The following NCS1 variants were observed in gnomAD, a reference collection of about 807,000 sequenced individuals.
The protein encoded by NCS1 is neuronal calcium sensor 1.
A neutral mutation model predicts 28.4 loss-of-function variants in NCS1; 6 were observed. That is an observed-to-expected ratio of 0.21 (90% confidence interval 0.12 to 0.42). The LOEUF is 0.42. Among genes scored for constraint, NCS1 ranks in the 10% least tolerant of loss-of-function variants. The pLI, the probability that NCS1 is intolerant of heterozygous loss-of-function variation, is 1.00. For missense variants in NCS1, 131 were observed against 241.4 expected (o/e 0.54, Z 3.03); for synonymous variants, 86 against 99.3 (o/e 0.87, Z 0.79).
chr9:130,182,469 T>G (rs1206987776), intron 1 of NCS1, among the ~76,000 whole-genome samples: 2 of 152,182 alleles, frequency 1.3e-5, no homozygotes, highest in African/African-American at 4.8e-5. Context: ...ATAGGATCCT[T>G]CCCGCTGGTT....
intron 1 of NCS1, among the ~76,000 whole-genome samples, chr9:130,190,297 C>G (rs1938834468): frequency 6.6e-6 from 1 of 152,088 alleles, no homozygotes; most frequent in Non-Finnish European, 1.5e-5. Context: ...GGGGAAGGTC[C>G]AAATCGGACA....
At chr9:130,187,977 G>T (rs1832762337) in intron 1 of NCS1, among the ~76,000 whole-genome samples, 1 of 152,170 alleles carries the variant, frequency 6.6e-6, no homozygotes, top group South Asian at 2.1e-4. Context: ...TGGGGACTAG[G>T]GTGGGGGAGG....
chr9:130,221,045 A>G (rs782480831), intron 4 of NCS1, among the ~76,000 whole-genome samples: 1 of 151,750 alleles, frequency 6.6e-6, no homozygotes, highest in Non-Finnish European at 1.5e-5. Context: ...TTATTTATAG[A>G]CAGAGTCTCG....
At chr9:130,227,433 G>A (rs1833431319) in intron 7 of NCS1, among the ~76,000 whole-genome samples, 1 of 152,300 alleles carries the variant, frequency 6.6e-6, no homozygotes, top group Non-Finnish European at 1.5e-5. Context: ...AGAATTGCTG[G>A]GACATAGGAT....
chr9:130,219,339 G>A lies in NCS1; in HGVS notation c.229-386G>A, dbSNP rs77229630. On this transcript the variant is annotated intron_variant, in intron 3 of 7. Transcript: ENST00000372398. The surrounding 1 kb of genome is among the most constrained non-coding windows in gnomAD (Gnocchi z 5.7). ...GAGGTGGAATTAAACAACCTGCAGCGGCCTTTCCTCTGCAAAAGCCCATGA... is the reference window on the plus strand; with the variant it reads ...GAGGTGGAATTAAACAACCTGCAGCAGCCTTTCCTCTGCAAAAGCCCATGA... Among the ~76,000 whole-genome samples, 6,994 of 152,150 alleles carry A rather than the reference G, an allele frequency of 0.046. 536 individuals carry two copies. The highest frequency in any genetic ancestry group is 0.16 in the African/African-American group (6,562 of 41,478).
At chr9:130,183,494 T>C (rs1290487006) in intron 1 of NCS1, among the ~76,000 whole-genome samples, 3 of 152,246 alleles carry the variant, frequency 2.0e-5, no homozygotes, top group Non-Finnish European at 2.9e-5. Flanking sequence ...AAGGCAGAAA[T>C]AGCACTCTGC....
At chr9:130,200,004 T>C (rs1192592728) in intron 1 of NCS1, among the ~76,000 whole-genome samples, 1 of 152,174 alleles carries the variant, frequency 6.6e-6, no homozygotes, top group Non-Finnish European at 1.5e-5. Context: ...AAAATTCCAT[T>C]CTTTGACGCC....
rs1244489689 is a variant in NCS1 at position 130,209,344 on chromosome 9, G to C, written c.89+8362G>C. On this transcript the variant is annotated intron_variant, in intron 2 of 7. Coordinates refer to ENST00000372398, the MANE Select transcript of NCS1 (RefSeq NM_014286.4). The surrounding 1 kb of genome is among the most constrained non-coding windows in gnomAD (Gnocchi z 4.4). ...GCAGGAACTGAGAGTGGCAAATTCGGGGGAAGTCCTAGAGGACCGGGGCGT... is the reference window on the plus strand; with the variant it reads ...GCAGGAACTGAGAGTGGCAAATTCGCGGGAAGTCCTAGAGGACCGGGGCGT... 6.6e-6 allele frequency among the ~76,000 whole-genome samples: 1 copy of C among 152,210 alleles called. No homozygotes were observed. The highest frequency in any genetic ancestry group is 1.5e-5 in the Non-Finnish European group (1 of 68,040).
chr9:130,214,260 G>A (rs4836695), intron 2 of NCS1, among the ~76,000 whole-genome samples: 37,314 of 152,200 alleles, frequency 0.25, 4,983 homozygotes, highest in Admixed American at 0.33. Flanking sequence ...CCTGAAAGCA[G>A]CAGCATCTAA....
chr9:130,220,286 A>G (rs1164852352), intron 4 of NCS1, among the ~76,000 whole-genome samples: 3 of 152,132 alleles, frequency 2.0e-5, no homozygotes, highest in African/African-American at 7.2e-5. Flanking sequence ...TCATTGACCA[A>G]ATAACGACTG....
rs1412614699 is a variant in NCS1, at chr9:130,232,350, CTG to C, written c.*18-638_*18-637del. 6.6e-6 allele frequency among the ~76,000 whole-genome samples: 1 copy of C among 152,194 alleles called. No homozygotes were observed. Among genetic ancestry groups the C allele is most frequent in the African/African-American group, 2.4e-5 (1 of 41,444 alleles). ...TGTGTTGTTTTTAATGGTTTGTAAA[CTG>C]TTTTATCCTGTGGGTGTGTCCTAAT... On this transcript the variant is annotated intron_variant, in intron 7 of 7. Coordinates refer to ENST00000372398, the MANE Select transcript of NCS1 (RefSeq NM_014286.4). The surrounding 1 kb of genome is among the most constrained non-coding windows in gnomAD (Gnocchi z 4.4).
At chr9:130,214,091 G>A (rs1487954890) in intron 2 of NCS1, among the ~76,000 whole-genome samples, 1 of 152,242 alleles carries the variant, frequency 6.6e-6, no homozygotes, top group Non-Finnish European at 1.5e-5. Flanking sequence ...GCCTCATGCG[G>A]GTCATCAGGG....
At chr9:130,206,345 C>G (rs1033320793) in intron 2 of NCS1, among the ~76,000 whole-genome samples, 3 of 151,892 alleles carry the variant, frequency 2.0e-5, no homozygotes, top group Non-Finnish European at 2.9e-5. Flanking sequence ...TCAGAGGGCC[C>G]TTTCTCACCG....
chr9:130,220,532 C>G (rs1487838068), intron 4 of NCS1, among the ~76,000 whole-genome samples: 8 of 151,922 alleles, frequency 5.3e-5, no homozygotes, highest in African/African-American at 1.7e-4. Context: ...AGGGCTCCAG[C>G]CAGGGGGCCC....
chr9:130,220,989 C>T (rs1833277032), intron 4 of NCS1, among the ~76,000 whole-genome samples: 2 of 152,054 alleles, frequency 1.3e-5, no homozygotes, highest in Admixed American at 6.6e-5. Context: ...ACTGATACCT[C>T]GGCCCTGGCA....
At chr9:130,176,185 TCTTTC>T (rs1564700789) in intron 1 of NCS1, among the ~76,000 whole-genome samples, 1 of 68,168 alleles carries the variant, frequency 1.5e-5, no homozygotes. Flanking sequence ...TTTCTTTCTT[TCTTTC>T]TTTCTTTTTT....
At chr9:130,217,608 T>G (rs370824719) in intron 2 of NCS1, among the ~76,000 whole-genome samples, 84 of 152,308 alleles carry the variant, frequency 5.5e-4, no homozygotes, top group Non-Finnish European at 1.1e-3. Flanking sequence ...AACCCCCTTA[T>G]GCAGACGAGG....
At chr9:130,173,191 C>T (rs550296927) in intron 1 of NCS1, among the ~76,000 whole-genome samples, 1 of 129,342 alleles carries the variant, frequency 7.7e-6, no homozygotes, top group Admixed American at 7.9e-5. Flanking sequence ...TCCCTGGCCC[C>T]GTTCGTGTGG....
At chr9:130,198,321 G>A (rs1194302824) in intron 1 of NCS1, among the ~76,000 whole-genome samples, 1 of 152,164 alleles carries the variant, frequency 6.6e-6, no homozygotes, top group Non-Finnish European at 1.5e-5. Flanking sequence ...ACATGGGTGG[G>A]GGGTGTCAAG....
Sources: gnomAD v4.1 joint callset for allele counts (sites outside exome capture counted in the v4.1 genomes callset) on GRCh38, gnomAD v4.1.1 for gene constraint, Gnocchi (gnomAD v3.1) non-coding constraint, MANE v1.5 for transcripts, NCBI Gene and HGNC (gene_info 2026-07-23, HGNC 2026-07-21) for gene names.